The following PCDH15 variants were observed in gnomAD, a reference collection of about 807,000 sequenced individuals.
PCDH15 encodes the protein protocadherin-15.
A neutral mutation model predicts 178.5 loss-of-function variants in PCDH15; 129 were observed. The ratio of observed to expected loss-of-function variants is 0.72; its 90% CI spans 0.63 to 0.84. PCDH15 has a LOEUF of 0.84. Ranked by LOEUF, PCDH15 falls within the 40% of genes least tolerant of loss-of-function variation. The probability of loss-of-function intolerance (pLI) is 0.00; values close to 1 mark genes in which losing one functional copy is unlikely to be tolerated. For missense variants in PCDH15, 2,230 were observed against 2,099.9 expected (o/e 1.06, Z -1.21); for synonymous variants, 800 against 732.0 (o/e 1.09, Z -1.50).
At chr10:54,988,242 A>G (rs116282099) in intron 2 of PCDH15, among the ~76,000 whole-genome samples, 17 of 152,216 alleles carry the variant, frequency 1.1e-4, no homozygotes, top group African/African-American at 3.9e-4. Context: ...TGGTACTAGT[A>G]CCACACTGTT....
intron 15 of PCDH15, among the ~76,000 whole-genome samples, chr10:54,104,973 CTT>C (rs2094884821): frequency 1.3e-5 from 2 of 151,326 alleles, no homozygotes; most frequent in African/African-American, 4.9e-5. Context: ...TCACTAAACT[CTT>C]TGCCTCTCAC....
At chr10:55,422,613 A>T (rs928655032) in intron 2 of PCDH15, among the ~76,000 whole-genome samples, 8 of 151,894 alleles carry the variant, frequency 5.3e-5, no homozygotes, top group African/African-American at 1.9e-4. Flanking sequence ...TGTTATTAGC[A>T]GTTTAGACTG....
intron 2 of PCDH15, among the ~76,000 whole-genome samples, chr10:55,451,829 G>A (rs1438074281): frequency 6.6e-6 from 1 of 152,118 alleles, no homozygotes; most frequent in South Asian, 2.1e-4. Context: ...ATCTAACTAT[G>A]TTTAATGATT....
chr10:54,462,507 C>CTTTTTTTT (rs71461244), intron 3 of PCDH15, among the ~76,000 whole-genome samples: 13 of 98,812 alleles, frequency 1.3e-4, no homozygotes, highest in East Asian at 5.4e-4. Context: ...TTTTCTTTTT[C>CTTTTTTTT]TTTTCTTTTT....
chr10:55,583,423 C>CTTAG (rs1554800687), intron 2 of PCDH15, among the ~76,000 whole-genome samples: 4 of 151,852 alleles, frequency 2.6e-5, no homozygotes, highest in Non-Finnish European at 5.9e-5. Flanking sequence ...TTAACACTAT[C>CTTAG]TTATTTATTT....
intron 1 of PCDH15, among the ~76,000 whole-genome samples, chr10:54,760,187 A>G (rs1367753580): frequency 6.6e-6 from 1 of 152,206 alleles, no homozygotes; most frequent in Non-Finnish European, 1.5e-5. Context: ...CTAATATGCA[A>G]TGTATCAAGG....
At chr10:53,917,769 T>C (rs1003328527) in intron 25 of PCDH15, among the ~76,000 whole-genome samples, 3 of 152,290 alleles carry the variant, frequency 2.0e-5, no homozygotes, top group African/African-American at 7.2e-5. Flanking sequence ...ATCCCTAGTA[T>C]TGGAGGTGGG....
At chr10:53,911,041 G>A (rs2083051553) in intron 25 of PCDH15, among the ~76,000 whole-genome samples, 1 of 152,170 alleles carries the variant, frequency 6.6e-6, no homozygotes, top group Admixed American at 6.5e-5. Flanking sequence ...TGTTTGATTG[G>A]TGTACCTGAA....
intron 3 of PCDH15, among the ~76,000 whole-genome samples, chr10:54,503,330 T>C (rs1239506285): frequency 6.8e-6 from 1 of 147,096 alleles, no homozygotes; most frequent in Non-Finnish European, 1.5e-5. Context: ...ATATTATATA[T>C]ATATAAGGCA....
intron 1 of PCDH15, among the ~76,000 whole-genome samples, chr10:55,192,698 T>C (rs1839974118): frequency 6.6e-6 from 1 of 151,468 alleles, no homozygotes; most frequent in Non-Finnish European, 1.5e-5. Flanking sequence ...AGGAAATAAA[T>C]TCTGAGTTTC....
intron 6 of PCDH15, among the ~76,000 whole-genome samples, chr10:54,336,991 T>C (rs1284982167): frequency 6.6e-6 from 1 of 152,164 alleles, no homozygotes; most frequent in Non-Finnish European, 1.5e-5. Context: ...GACCTGGATG[T>C]GAGACATGGT....
At chr10:54,493,368 A>C (rs1254196537) in intron 3 of PCDH15, among the ~76,000 whole-genome samples, 1 of 152,104 alleles carries the variant, frequency 6.6e-6, no homozygotes, top group African/African-American at 2.4e-5. Context: ...ACACCTACCC[A>C]ACCAAGTGAA....
intron 16 of PCDH15, among the ~76,000 whole-genome samples, chr10:54,085,289 A>T (rs867931737): frequency 1.3e-5 from 2 of 152,130 alleles, no homozygotes; most frequent in Non-Finnish European, 1.5e-5. Context: ...GAAGAAAAAA[A>T]ATTTTAATAG....
At chr10:54,839,897 C>T (rs1376531346) in intron 3 of PCDH15, among the ~76,000 whole-genome samples, 1 of 151,726 alleles carries the variant, frequency 6.6e-6, no homozygotes, top group African/African-American at 2.4e-5. Context: ...TCTTGCCAAC[C>T]AACATTATAC....
chr10:54,360,219 T>C (rs1469260399), intron 5 of PCDH15, among the ~76,000 whole-genome samples: 1 of 152,090 alleles, frequency 6.6e-6, no homozygotes, highest in African/African-American at 2.4e-5. Flanking sequence ...TTACCTGTCT[T>C]GATTGTCTAA....
At chr10:55,251,508 G>A (rs1290377502) in intron 1 of PCDH15, among the ~76,000 whole-genome samples, 1 of 152,094 alleles carries the variant, frequency 6.6e-6, no homozygotes, top group East Asian at 1.9e-4. Flanking sequence ...AAGTATGTGT[G>A]TCAATATTTT....
intron 5 of PCDH15, among the ~76,000 whole-genome samples, chr10:54,366,311 GA>G (rs1427588485): frequency 2.0e-5 from 3 of 151,962 alleles, no homozygotes; most frequent in Non-Finnish European, 2.9e-5. Flanking sequence ...AACTGTGAAC[GA>G]TTTTTTTGGA....
chr10:55,252,853 A>G (rs2132225486), intron 1 of PCDH15, among the ~76,000 whole-genome samples: 1 of 152,256 alleles, frequency 6.6e-6, no homozygotes, highest in South Asian at 2.1e-4. Flanking sequence ...TTTAGTCACT[A>G]AAGAAACCTG....
At chr10:54,310,871 A>T (rs1238903525) in intron 8 of PCDH15, among the ~76,000 whole-genome samples, 1 of 152,056 alleles carries the variant, frequency 6.6e-6, no homozygotes, top group Non-Finnish European at 1.5e-5. Flanking sequence ...ATCCAAGGCC[A>T]CCAAGGGAAT....
Sources: gnomAD v4.1 joint callset for allele counts (sites outside exome capture counted in the v4.1 genomes callset) on GRCh38, gnomAD v4.1.1 for gene constraint, MANE v1.5 for transcripts, NCBI Gene and HGNC (gene_info 2026-07-23, HGNC 2026-07-21) for gene names.